ZNF717: variants seen among roughly 807,000 people sequenced by gnomAD.
ZNF717 encodes the protein zinc finger protein 717, also known as krueppel-like factor X17.
In ZNF717, 9 loss-of-function variants were observed where a neutral mutation model predicts 13.8. The observed-to-expected ratio is 0.65, with a 90% CI of 0.39 to 1.14. ZNF717 has a LOEUF of 1.14. ZNF717 is among the 50% of genes most tolerant of loss of function. The pLI is 0.01. For synonymous variants in ZNF717, 327 were observed against 364.1 expected, an observed-to-expected ratio of 0.90 and a Z score of 1.16; for missense variants, 1,040 against 1,080.7, an observed-to-expected ratio of 0.96 and a Z score of 0.53.
chr3:75,755,636 C>T (rs376622238), intron 2 of ZNF717, among the ~76,000 whole-genome samples: 6 of 139,728 alleles, frequency 4.3e-5, no homozygotes, highest in Admixed American at 7.2e-5. Flanking sequence ...ATTTGTGGGA[C>T]AGTGGGATAG....
intron 2 of ZNF717, among the ~76,000 whole-genome samples, chr3:75,767,723 GAGA>G (rs946854187): frequency 2.0e-5 from 3 of 152,216 alleles, no homozygotes; most frequent in Admixed American, 1.3e-4. Context: ...GGAGACATCT[GAGA>G]AGAATGTGGA....
chr3:75,739,913 ATC>A (rs757836417), intron 4 of ZNF717, among the ~76,000 whole-genome samples: 1 of 151,990 alleles, frequency 6.6e-6, no homozygotes, highest in African/African-American at 2.4e-5. Flanking sequence ...CAAGCAGAAA[ATC>A]TCTTATTCCC....
At chr3:75,767,231 C>A (rs1242824781) in intron 2 of ZNF717, among the ~76,000 whole-genome samples, 2 of 152,256 alleles carry the variant, frequency 1.3e-5, no homozygotes, top group African/African-American at 4.8e-5. Flanking sequence ...CACTGAGCCT[C>A]CAGCAACACC....
intron 2 of ZNF717, among the ~76,000 whole-genome samples, chr3:75,757,006 G>A (rs1211658747): frequency 6.6e-6 from 1 of 152,272 alleles, no homozygotes; most frequent in Non-Finnish European, 1.5e-5. Flanking sequence ...GGCTCAGAGA[G>A]GTGAGGCAGC....
chr3:75,704,933 T>C (rs1937773205), downstream of ZNF717, among the ~76,000 whole-genome samples: 1 of 152,306 alleles, frequency 6.6e-6, no homozygotes. Context: ...AACCTCTCCA[T>C]CATTATGACT....
chr3:75,718,685 CA>C (rs1938110829), intron 4 of ZNF717, among the ~76,000 whole-genome samples: 1 of 152,122 alleles, frequency 6.6e-6, no homozygotes, highest in Non-Finnish European at 1.5e-5. Context: ...ATTAGATTCT[CA>C]TAAGTGCATG....
chr3:75,751,708 A>G (rs371304152), intron 2 of ZNF717, among the ~76,000 whole-genome samples: 1 of 149,260 alleles, frequency 6.7e-6, no homozygotes, highest in East Asian at 2.0e-4. Context: ...TTGCCCTCAC[A>G]TAGGATTCCA....
chr3:75,725,586 G>T (rs1938262972), downstream of ZNF717, among the ~76,000 whole-genome samples: 2 of 152,208 alleles, frequency 1.3e-5, no homozygotes, highest in Non-Finnish European at 2.9e-5. Flanking sequence ...CCAAGGCTGG[G>T]TAATTTATAA....
At position 75,736,980 on chromosome 3, in the gene ZNF717, C is replaced by A. The variant is rs1575754416; in HGVS notation, c.2643G>T (p.Gln881His). ...ECKECGKTFC[Q>H]KSHLSRHQQT... ...GTTGATGCCTGCTGAGGTGTGACTT[C>A]TGGCAAAAGGTTTTCCCACATTCCT... is the stretch of plus-strand genomic sequence containing the variant. The change falls in exon 5 of 5, where the codon CAG becomes CAT. Residue 881 changes from glutamine (Q) to histidine (H), a missense_variant. Transcript: ENST00000652011. 6.3e-7 allele frequency: 1 copy of A among 1,579,844 alleles called. No individual in the cohort carries two copies. The highest frequency in any genetic ancestry group is 1.1e-5 in the South Asian group (1 of 87,030).
chr3:75,723,034 C>A (rs1163957512), intron 4 of ZNF717, among the ~76,000 whole-genome samples: 1 of 151,988 alleles, frequency 6.6e-6, no homozygotes, highest in African/African-American at 2.4e-5. Flanking sequence ...AATATTGGTT[C>A]ATCGAATAAT....
intron 2 of ZNF717, among the ~76,000 whole-genome samples, chr3:75,746,629 C>T (rs1204018224): frequency 3.0e-4 from 46 of 152,260 alleles, no homozygotes; most frequent in African/African-American, 1.1e-3. Flanking sequence ...TCTCTGATGG[C>T]CAGTGATGAT....
chr3:75,779,667 A>T (rs1220378876), intron 2 of ZNF717, among the ~76,000 whole-genome samples: 4 of 151,228 alleles, frequency 2.6e-5, no homozygotes, highest in Admixed American at 2.6e-4. Context: ...AACCCAAAAC[A>T]ATGGGAGAGT....
intron 6 of ZNF717, among the ~76,000 whole-genome samples, chr3:75,703,924 CA>C (rs1157787198): frequency 6.6e-6 from 1 of 152,286 alleles, no homozygotes; most frequent in Non-Finnish European, 1.5e-5. Context: ...TAGCTGGCCA[CA>C]AATTACAATT....
chr3:75,740,729 G>A (rs113110950), intron 4 of ZNF717, among the ~76,000 whole-genome samples: 47 of 152,268 alleles, frequency 3.1e-4, no homozygotes, highest in African/African-American at 9.1e-4. Flanking sequence ...TACTTGGGAG[G>A]CTAGGGTGTG....
At chr3:75,767,802 A>G (rs1313745803) in intron 2 of ZNF717, among the ~76,000 whole-genome samples, 3 of 152,140 alleles carry the variant, frequency 2.0e-5, no homozygotes, top group Admixed American at 6.5e-5. Flanking sequence ...TGATCTAAAG[A>G]AGGAGGTTCA....
chr3:75,777,052 G>A (rs1411767768), intron 2 of ZNF717, among the ~76,000 whole-genome samples: 1 of 152,208 alleles, frequency 6.6e-6, no homozygotes, highest in African/African-American at 2.4e-5. Context: ...TCTCCCTGGT[G>A]CACTGTACTT....
At chr3:75,757,257 C>T (rs1942578166) in intron 2 of ZNF717, among the ~76,000 whole-genome samples, 2 of 152,144 alleles carry the variant, frequency 1.3e-5, no homozygotes, top group African/African-American at 4.8e-5. Flanking sequence ...GAGTTGATGC[C>T]TGGCTTTAAG....
intron 2 of ZNF717, among the ~76,000 whole-genome samples, chr3:75,779,679 G>A (rs182867823): frequency 2.5e-4 from 37 of 148,466 alleles, no homozygotes; most frequent in South Asian, 8.7e-4. Flanking sequence ...TGGGAGAGTC[G>A]TGCTAAACCA....
intron 2 of ZNF717, among the ~76,000 whole-genome samples, chr3:75,757,243 G>C (rs7432134): frequency 0.37 from 55,351 of 151,516 alleles, 11,044 homozygotes; most frequent in Non-Finnish European, 0.46. Context: ...TCCCAGCTAG[G>C]GAGGAGTTGA....
Sources: allele counts gnomAD v4.1 joint callset (sites outside exome capture counted in the v4.1 genomes callset), GRCh38; gene constraint gnomAD v4.1.1; transcripts MANE v1.5; gene names NCBI Gene and HGNC (gene_info 2026-07-23, HGNC 2026-07-21).